NFIC: variants seen among roughly 807,000 people sequenced by gnomAD.
The protein encoded by NFIC is nuclear factor 1 C-type.
A neutral mutation model predicts 54.4 loss-of-function variants in NFIC; 12 were observed. The ratio of observed to expected loss-of-function variants is 0.22; its 90% CI spans 0.14 to 0.36. NFIC has a LOEUF of 0.36. Ranked by LOEUF, NFIC falls within the 10% of genes least tolerant of loss-of-function variation. The pLI is 1.00. For missense variants in NFIC, 575 were observed against 718.2 expected (o/e 0.80, Z 2.28); for synonymous variants, 322 against 319.2 (o/e 1.01, Z -0.09).
At chr19:3,400,743 G>A (rs2081541940) in intron 2 of NFIC, among the ~76,000 whole-genome samples, 1 of 152,214 alleles carries the variant, frequency 6.6e-6, no homozygotes, top group South Asian at 2.1e-4. Context: ...GGCAGGGGCT[G>A]AGGCAGGAGA....
In NFIC at chr19:3,382,611, C is replaced by T. The variant is rs148937978; in HGVS notation, c.562+368C>T. On this transcript the variant is annotated intron_variant, in intron 2 of 10. Transcript: ENST00000443272. Reference sequence around the variant, plus strand: ...AGCATCTGATGGGGGTGACATGGTGCAAGGAGGGTCTGAGGGAGGAGGCTG... The same window carrying T: ...AGCATCTGATGGGGGTGACATGGTGTAAGGAGGGTCTGAGGGAGGAGGCTG... Among the ~76,000 whole-genome samples, 1,219 of 150,892 alleles carry T rather than the reference C, an allele frequency of 8.1e-3. 13 individuals carry two copies. Among genetic ancestry groups the T allele is most frequent in the Middle Eastern group, 0.038 (11 of 290 alleles).
Position 3,468,356 on chromosome 19 carries a change from C to CA in NFIC, c.*5592dup, listed in dbSNP as rs2082744724. The CA allele has an allele frequency of 6.6e-6, 1 of 152,160 alleles. No individual in the cohort carries two copies. Among genetic ancestry groups the CA allele is most frequent in the South Asian group, 2.1e-4 (1 of 4,834 alleles). 9.4% of individuals were successfully genotyped at this position (152,160 alleles called of 1,614,324 possible). ...ATCTCCTGGCTGGAAGAGAGCCCTCCAAAAAGGGGACACAGGCTGCCCCGG... is the reference window on the plus strand; with the variant it reads ...ATCTCCTGGCTGGAAGAGAGCCCTCCAAAAAAGGGGACACAGGCTGCCCCGG... On this transcript the variant is annotated 3_prime_UTR_variant, in exon 11 of 11. Transcript: ENST00000443272.
chr19:3,415,351 C>T (rs997004514), intron 2 of NFIC, among the ~76,000 whole-genome samples: 2 of 150,124 alleles, frequency 1.3e-5, no homozygotes, highest in Admixed American at 6.7e-5. Flanking sequence ...AAACCCCTGA[C>T]CTCAAGTAAT....
chr19:3,439,689 ATTT>A (rs1182271188), intron 6 of NFIC, among the ~76,000 whole-genome samples: 19 of 133,824 alleles, frequency 1.4e-4, no homozygotes, highest in Admixed American at 3.0e-4. Flanking sequence ...CACTGGAAGA[ATTT>A]TTTTTTTTTT....
chr19:3,462,078 A>G (rs1278022779), intron 10 of NFIC, among the ~76,000 whole-genome samples: 2 of 150,020 alleles, frequency 1.3e-5, no homozygotes, highest in African/African-American at 2.5e-5. Context: ...AATATAATAT[A>G]ATAAAGTAAG....
At chr19:3,445,435 T>G (rs59515091) in intron 6 of NFIC, among the ~76,000 whole-genome samples, 10,941 of 152,178 alleles carry the variant, frequency 0.072, 1,280 homozygotes, top group African/African-American at 0.25. Context: ...GTGTTCCCCC[T>G]TGAGTGTTCA....
chr19:3,429,253 TACACACACACACACACACAC>T (rs57948823), intron 3 of NFIC, among the ~76,000 whole-genome samples: 1 of 50,798 alleles, frequency 2.0e-5, no homozygotes, highest in Non-Finnish European at 3.3e-5. Context: ...AAAAAATATA[TACACACACACACACACACAC>T]ACACACACAC....
At chr19:3,429,689 G>A (rs1394098559) in intron 3 of NFIC, among the ~76,000 whole-genome samples, 1 of 152,128 alleles carries the variant, frequency 6.6e-6, no homozygotes, top group African/African-American at 2.4e-5. Flanking sequence ...CCCCCTGGGG[G>A]CCGGGAGAGG....
chr19:3,424,933 A>G (rs2082004670), intron 2 of NFIC, among the ~76,000 whole-genome samples, 173 bp from the exon 3 acceptor site: 1 of 152,202 alleles, frequency 6.6e-6, no homozygotes, highest in Non-Finnish European at 1.5e-5. Flanking sequence ...CTAGGGCAGC[A>G]GCCAAGGGAA....
At chr19:3,457,960 G>A (rs2082585675) in intron 10 of NFIC, 1 of 152,266 alleles carries the variant, frequency 6.6e-6, no homozygotes, top group Non-Finnish European at 1.5e-5. Context: ...CATGTGCTAT[G>A]GGTGGAGGGA....
upstream of NFIC, among the ~76,000 whole-genome samples, chr19:3,363,572 A>G (rs1200275742): frequency 2.0e-5 from 3 of 150,574 alleles, no homozygotes. Context: ...ACAACCGGCC[A>G]AAGGAGATAT....
rs1484625561 is a variant in NFIC, at chr19:3,453,957, C to T, written c.1423+41C>T. On this transcript the variant is annotated intron_variant, in intron 9 of 10. Transcript: ENST00000443272. This position sits in a 1 kb window ranked among gnomAD's most constrained non-coding sequence, Gnocchi z 6.7. ...GCGGTGCCCTGGTGGGGCGGATGTC[C>T]GCAGGGGGGCCTGTCCCCTCCCCAG... 6 of 1,476,226 alleles carry T rather than the reference C, an allele frequency of 4.1e-6. No individual in the cohort carries two copies. The highest frequency in any genetic ancestry group is 2.6e-5 in the East Asian group (1 of 37,932). The allele number at this position is 1,476,226 out of a possible 1,614,324, so 91.4% of individuals were successfully genotyped here. A position where few individuals can be genotyped will look rare whatever the true frequency, so the allele number is the denominator to read the frequency against.
intron 1 of NFIC, among the ~76,000 whole-genome samples, chr19:3,371,998 C>CCTCT (rs56852086): frequency 0.11 from 3,956 of 35,388 alleles, 923 homozygotes; most frequent in Non-Finnish European, 0.15. Context: ...CCTCTCTCTC[C>CCTCT]CTCTCTCTCT....
In NFIC at chr19:3,463,846, T is replaced by TA. The variant is rs1201259071; in HGVS notation, c.*1078dup. The TA allele has an allele frequency of 2.0e-6, 2 of 983,816 alleles. No individual in the cohort carries two copies. The highest frequency in any genetic ancestry group is 2.4e-6 in the Non-Finnish European group (2 of 829,512). The allele number at this position is 983,816 out of a possible 1,614,324, so 60.9% of individuals were successfully genotyped here. A position where few individuals can be genotyped will look rare whatever the true frequency, so the allele number is the denominator to read the frequency against. Reference sequence around the variant, plus strand: ...AGAGCGAGTGGTTTAAGTGCCTGATTACCACCACCCGCCCCCCCCTTTGTC... The same window carrying TA: ...AGAGCGAGTGGTTTAAGTGCCTGATTAACCACCACCCGCCCCCCCCTTTGTC... On this transcript the variant is annotated 3_prime_UTR_variant, in exon 11 of 11. Coordinates refer to ENST00000443272, the MANE Select transcript of NFIC (RefSeq NM_001245002.2).
chr19:3,390,287 GC>G (rs1284917977), intron 2 of NFIC, among the ~76,000 whole-genome samples: 8 of 152,228 alleles, frequency 5.3e-5, no homozygotes, highest in African/African-American at 1.9e-4. Flanking sequence ...GAAGGTGGCT[GC>G]CGGGCGTGAG....
rs112658058 is a variant in NFIC, at chr19:3,370,696, G to GTGTC, written c.30+4031_30+4032insGTCT. ...CTGTTCCTCTTCTTTCTCTCTGTCT[G>GTGTC]TCTCTTTCTTTCTCCCTCCCTTCCT... is the stretch of plus-strand genomic sequence containing the variant. On this transcript the variant is annotated intron_variant, in intron 1 of 10. Coordinates refer to ENST00000443272, the MANE Select transcript of NFIC (RefSeq NM_001245002.2). The surrounding 1 kb of genome is among the most constrained non-coding windows in gnomAD (Gnocchi z 5.2). Among the ~76,000 whole-genome samples the GTGTC allele has an allele frequency of 6.7e-6, 1 of 150,076 alleles. No individual in the cohort carries two copies. The highest frequency in any genetic ancestry group is 1.5e-5 in the Non-Finnish European group (1 of 67,624).
intron 1 of NFIC, chr19:3,371,470 A>G (rs1032582444): frequency 2.7e-5 from 4 of 145,730 alleles, no homozygotes; most frequent in Admixed American, 7.1e-5. Context: ...TAGGTGCCCA[A>G]TAAATACCTG....
At chr19:3,415,175 C>T (rs987217190) in intron 2 of NFIC, among the ~76,000 whole-genome samples, 9 of 145,474 alleles carry the variant, frequency 6.2e-5, no homozygotes, top group South Asian at 2.2e-4. Flanking sequence ...TGCAGTGGTA[C>T]GATCTCGGCT....
At chr19:3,381,561 G>A in intron 1 of NFIC, 151 bp from the exon 2 acceptor site, 2 of 1,222,596 alleles carry the variant, frequency 1.6e-6, no homozygotes, top group Non-Finnish European at 2.2e-6. Context: ...GGCGTGCACG[G>A]GTCCGCAGCG....
Sources: gnomAD v4.1 joint callset for allele counts (sites outside exome capture counted in the v4.1 genomes callset) on GRCh38, gnomAD v4.1.1 for gene constraint, Gnocchi (gnomAD v3.1) non-coding constraint, MANE v1.5 for transcripts, NCBI Gene and HGNC (gene_info 2026-07-23, HGNC 2026-07-21) for gene names.